The following C9orf85 variants were observed in gnomAD, a reference collection of about 807,000 sequenced individuals.
C9orf85 encodes the protein uncharacterized protein C9orf85.
C9orf85 carries 16 observed loss-of-function variants against 14.9 expected under a neutral mutation model. That is an observed-to-expected ratio of 1.08 (90% CI 0.73 to 1.63). The LOEUF is 1.63. C9orf85 is among the 40% of genes most tolerant of loss of function. C9orf85 has a pLI of 0.00. For missense variants in C9orf85, 172 were observed against 186.1 expected, an observed-to-expected ratio of 0.92 and a Z score of 0.44; for synonymous variants, 45 against 56.8, an observed-to-expected ratio of 0.79 and a Z score of 0.93.
intron 1 of C9orf85, among the ~76,000 whole-genome samples, chr9:71,936,391 A>G (rs1229752125): frequency 1.3e-5 from 2 of 152,100 alleles, no homozygotes; most frequent in Non-Finnish European, 2.9e-5. Context: ...AAAGAAGGAG[A>G]TGTATTGGCA....
At chr9:71,980,204 G>T (rs981533780) in intron 3 of C9orf85, among the ~76,000 whole-genome samples, 1 of 151,892 alleles carries the variant, frequency 6.6e-6, no homozygotes, top group African/African-American at 2.4e-5. Flanking sequence ...AGTAGAGACA[G>T]GGTTTCACCA....
chr9:71,979,203 C>T (rs1024219219), intron 3 of C9orf85, among the ~76,000 whole-genome samples: 1 of 152,150 alleles, frequency 6.6e-6, no homozygotes, highest in African/African-American at 2.4e-5. Context: ...GATAAAACCA[C>T]TCTGAGGCAG....
intron 1 of C9orf85, among the ~76,000 whole-genome samples, chr9:71,938,481 G>A (rs1238210615): frequency 2.6e-5 from 4 of 151,878 alleles, no homozygotes; most frequent in Admixed American, 6.6e-5. Context: ...TATTATAATA[G>A]CAACAATGTT....
chr9:71,949,604 A>G (rs1822194764), intron 2 of C9orf85, among the ~76,000 whole-genome samples: 1 of 152,246 alleles, frequency 6.6e-6, no homozygotes, highest in Non-Finnish European at 1.5e-5. Flanking sequence ...AGAAAAATAT[A>G]CAGATTTATT....
intron 2 of C9orf85, among the ~76,000 whole-genome samples, chr9:71,966,450 A>G (rs1177936746): frequency 6.6e-6 from 1 of 152,162 alleles, no homozygotes; most frequent in Non-Finnish European, 1.5e-5. Context: ...AATTTGGAAA[A>G]ATTTATATTT....
rs528039681 is a variant in C9orf85 at position 71,918,478 on chromosome 9, G to A, written c.102+6642G>A. 8.5e-5 allele frequency: 111 copies of A among 1,301,836 alleles called. 1 individual carries two copies. In the South Asian group the frequency reaches 1.3e-3, roughly 16 times the overall value. 80.6% of individuals were successfully genotyped at this position (1,301,836 alleles called of 1,614,324 possible). A position where few individuals can be genotyped will look rare whatever the true frequency, so the allele number is the denominator to read the frequency against. ...TTTGAGTTTGTCTCCCTGTGGAGCAGGGGTCCCCAGCCCCCGACCCCCGCA... is the reference window on the plus strand; with the variant it reads ...TTTGAGTTTGTCTCCCTGTGGAGCAAGGGTCCCCAGCCCCCGACCCCCGCA... On this transcript the variant is annotated intron_variant, in intron 1 of 3. Transcript: ENST00000334731.
At chr9:71,982,856 G>A (rs1219062518) in exon 4 of C9orf85, 14 of 285,128 alleles carry the variant, frequency 4.9e-5, no homozygotes, top group South Asian at 2.0e-4. Context: ...GGCCGGTCTC[G>A]AACTCCTGAC....
At chr9:71,948,300 TTATATC>T (rs1447026052) in intron 2 of C9orf85, among the ~76,000 whole-genome samples, 1 of 152,184 alleles carries the variant, frequency 6.6e-6, no homozygotes, top group Non-Finnish European at 1.5e-5. Flanking sequence ...TGACCTTTGT[TTATATC>T]TACTAAAAAA....
chr9:71,967,620 A>T (rs1822727956), intron 2 of C9orf85, among the ~76,000 whole-genome samples: 1 of 151,288 alleles, frequency 6.6e-6, no homozygotes, highest in African/African-American at 2.4e-5. Context: ...AGTTCATTTT[A>T]AAAAATAGAT....
At position 71,949,474 on chromosome 9, in the gene C9orf85, T is replaced by C. The variant is rs1822190951; in HGVS notation, c.209+2362T>C. Among the ~76,000 whole-genome samples, 3 of 151,808 alleles carry C rather than the reference T, an allele frequency of 2.0e-5. 1 individual carries two copies. Among genetic ancestry groups the C allele is most frequent in the Admixed American group, 2.0e-4 (3 of 15,228 alleles). On this transcript the variant is annotated intron_variant, in intron 2 of 3. Transcript: ENST00000334731. Reference sequence around the variant, plus strand: ...TTTCTCGCGACAGAGCAAGACTCCATCTCCAAAAAAAAAGAAACTGCTAGT... The same window carrying C: ...TTTCTCGCGACAGAGCAAGACTCCACCTCCAAAAAAAAAGAAACTGCTAGT...
At chr9:71,912,947 G>C (rs575551358) in intron 1 of C9orf85, among the ~76,000 whole-genome samples, 1 of 152,240 alleles carries the variant, frequency 6.6e-6, no homozygotes, top group Non-Finnish European at 1.5e-5. Flanking sequence ...CTCCATAGCT[G>C]TATGGAGAGA....
At chr9:71,941,171 AAAG>A (rs1821920330) in intron 1 of C9orf85, among the ~76,000 whole-genome samples, 1 of 152,222 alleles carries the variant, frequency 6.6e-6, no homozygotes, top group Non-Finnish European at 1.5e-5. Flanking sequence ...TATAGAAAGA[AAAG>A]AATTCAAGTT....
intron 1 of C9orf85, among the ~76,000 whole-genome samples, chr9:71,923,364 G>A (rs779240253): frequency 6.6e-6 from 1 of 152,126 alleles, no homozygotes; most frequent in Non-Finnish European, 1.5e-5. Flanking sequence ...CGCCTCCTGG[G>A]TTCAAGTGAT....
intron 2 of C9orf85, among the ~76,000 whole-genome samples, chr9:71,963,189 T>G (rs926330100): frequency 2.0e-5 from 3 of 152,234 alleles, no homozygotes; most frequent in African/African-American, 7.2e-5. Context: ...CTGTTTTTGT[T>G]CATGCTAAGC....
At chr9:71,930,803 CAAA>C (rs747596247) in intron 1 of C9orf85, among the ~76,000 whole-genome samples, 4 of 61,036 alleles carry the variant, frequency 6.6e-5, no homozygotes, top group African/African-American at 7.3e-5. Flanking sequence ...GACCCTGTCT[CAAA>C]AAAAAAAAAA....
chr9:71,984,558 C>A (rs1823174813), downstream of C9orf85: 1 of 152,298 alleles, frequency 6.6e-6, no homozygotes, highest in Admixed American at 6.5e-5. Flanking sequence ...CTAAGGCAGG[C>A]CAAAATGGCT....
intron 1 of C9orf85, among the ~76,000 whole-genome samples, chr9:71,932,344 C>T (rs1433985087): frequency 6.6e-6 from 1 of 152,188 alleles, no homozygotes; most frequent in Non-Finnish European, 1.5e-5. Flanking sequence ...CTCTAGTGCA[C>T]TCCCCATCCC....
chr9:71,940,840 T>C (rs1011894290), intron 1 of C9orf85, among the ~76,000 whole-genome samples: 4 of 152,190 alleles, frequency 2.6e-5, no homozygotes, highest in African/African-American at 9.6e-5. Context: ...TGAATAAACA[T>C]TATGGTAATT....
chr9:71,960,888 A>G (rs1822497086), intron 2 of C9orf85, among the ~76,000 whole-genome samples: 1 of 148,560 alleles, frequency 6.7e-6, no homozygotes. Context: ...GGCAATGCAC[A>G]TTGGCCGTTT....
Sources: gnomAD v4.1 joint callset for allele counts (sites outside exome capture counted in the v4.1 genomes callset) on GRCh38, gnomAD v4.1.1 for gene constraint, MANE v1.5 for transcripts, NCBI Gene and HGNC (gene_info 2026-07-23, HGNC 2026-07-21) for gene names.